Variants in PAGE2B observed in about 807,000 individuals in gnomAD.
PAGE2B encodes putative G antigen family E member 3.
In PAGE2B, 5 loss-of-function variants were observed where a neutral mutation model predicts 7.6. The ratio of observed to expected loss-of-function variants is 0.66; its 90% CI spans 0.34 to 1.38. The LOEUF is 1.38. PAGE2B is among the 40% of genes most tolerant of loss of function. The pLI is 0.04. For missense variants in PAGE2B, 70 were observed against 78.4 expected, an observed-to-expected ratio of 0.89 and a Z score of 0.41; for synonymous variants, 29 against 26.7, an observed-to-expected ratio of 1.09 and a Z score of -0.27.
At chrX:55,064,871 G>A in the PAGE2B span, among the ~76,000 whole-genome samples, 1 of 111,596 alleles carries the variant, frequency 9.0e-6, no homozygotes, top group East Asian at 2.8e-4. Flanking sequence ...AGTTCCTGTT[G>A]CTATTGATTT....
chrX:55,053,343 G>A, the PAGE2B span, among the ~76,000 whole-genome samples: 4 of 111,445 alleles, frequency 3.6e-5, no homozygotes, highest in South Asian at 3.8e-4. Context: ...ACACAGGGAG[G>A]GGAACAACAC....
intron 4 of PAGE2B, 55 bp downstream of exon 4, chrX:55,077,579 G>T: frequency 8.3e-7 from 1 of 1,205,683 alleles, no homozygotes; most frequent in Non-Finnish European, 1.1e-6. Flanking sequence ...ACAGTATTTT[G>T]TGTGACACAG....
chrX:55,069,704 C>T, the PAGE2B span, among the ~76,000 whole-genome samples: 6 of 111,567 alleles, frequency 5.4e-5, no homozygotes, highest in East Asian at 1.1e-3. Context: ...CTATTAATTG[C>T]TGCCTCAATT....
At chrX:55,067,038 CT>C in the PAGE2B span, among the ~76,000 whole-genome samples, 1 of 109,250 alleles carries the variant, frequency 9.2e-6, no homozygotes, top group Non-Finnish European at 1.9e-5. Flanking sequence ...TTCTTTCTTT[CT>C]TTTTTTTAGG....
upstream of PAGE2B, among the ~76,000 whole-genome samples, chrX:55,070,627 G>C (rs1370838393): frequency 9.0e-6 from 1 of 111,521 alleles, no homozygotes; most frequent in Non-Finnish European, 1.9e-5. Flanking sequence ...AATATTGACA[G>C]TGGGGTGTTA....
the PAGE2B span, among the ~76,000 whole-genome samples, chrX:55,052,488 C>T: frequency 8.9e-6 from 1 of 112,245 alleles, no homozygotes; most frequent in East Asian, 2.8e-4. Context: ...TTTTGTTTAC[C>T]TACTGAAGCC....
At chrX:55,040,628 A>G in the PAGE2B span, among the ~76,000 whole-genome samples, 1 of 111,174 alleles carries the variant, frequency 9.0e-6, no homozygotes, top group Admixed American at 9.7e-5. Flanking sequence ...AGAGATAGAA[A>G]GAATGGTGGT....
the PAGE2B span, among the ~76,000 whole-genome samples, chrX:55,044,457 G>A: frequency 9.0e-6 from 1 of 111,430 alleles, no homozygotes. Context: ...GACTTGGGGG[G>A]AAGGGTGGAT....
chrX:55,076,467 T>C lies in PAGE2B; in HGVS notation c.85-102T>C, dbSNP rs1474232018. On this transcript the variant is annotated intron_variant, in intron 2 of 4. Coordinates refer to ENST00000374971, the MANE Select transcript of PAGE2B (RefSeq NM_001015038.3). ...ATGTATATACATATATATGTGTTTATATATGTTGGAAAAATGTCTTTAGAT... is the reference window on the plus strand; with the variant it reads ...ATGTATATACATATATATGTGTTTACATATGTTGGAAAAATGTCTTTAGAT... The C allele has an allele frequency of 1.0e-5, 8 of 765,309 alleles. 1 individual carries two copies. The highest frequency in any genetic ancestry group is 6.0e-5 in the Admixed American group (2 of 33,061). The allele number at this position is 765,309 out of a possible 1,213,427, so 63.1% of individuals were successfully genotyped here. A position where few individuals can be genotyped will look rare whatever the true frequency, so the allele number is the denominator to read the frequency against.
chrX:55,058,245 G>T, the PAGE2B span, among the ~76,000 whole-genome samples: 1 of 110,125 alleles, frequency 9.1e-6, no homozygotes, highest in African/African-American at 3.3e-5. Flanking sequence ...AAGTGTCGGG[G>T]GGTGTTCATA....
chrX:55,066,238 G>A, the PAGE2B span, among the ~76,000 whole-genome samples: 1 of 111,592 alleles, frequency 9.0e-6, no homozygotes, highest in African/African-American at 3.3e-5. Flanking sequence ...TTACAGGCGT[G>A]TGCCATCACG....
chrX:55,064,650 C>T, the PAGE2B span, among the ~76,000 whole-genome samples: 3 of 106,836 alleles, frequency 2.8e-5, no homozygotes, highest in Admixed American at 1.0e-4. Flanking sequence ...TTTTTTTATT[C>T]GATGTATTTG....
the PAGE2B span, among the ~76,000 whole-genome samples, chrX:55,033,263 C>T: frequency 1.5e-3 from 162 of 111,603 alleles, 2 homozygotes; most frequent in Non-Finnish European, 2.7e-3. Flanking sequence ...TCTGAGGTGA[C>T]GTAGAGAAAA....
At chrX:55,062,489 T>A in the PAGE2B span, among the ~76,000 whole-genome samples, 2 of 112,162 alleles carry the variant, frequency 1.8e-5, no homozygotes, top group Non-Finnish European at 3.8e-5. Flanking sequence ...CCTTATGTAT[T>A]CTGATTATTA....
At chrX:55,051,502 T>C in the PAGE2B span, among the ~76,000 whole-genome samples, 2 of 111,925 alleles carry the variant, frequency 1.8e-5, no homozygotes, top group African/African-American at 6.5e-5. Context: ...GAGGCTTTGT[T>C]CATTTCTTTT....
chrX:55,073,842 G>A (rs1936474532), upstream of PAGE2B, among the ~76,000 whole-genome samples: 1 of 111,407 alleles, frequency 9.0e-6, no homozygotes, highest in Admixed American at 9.5e-5. Context: ...GAAGGTAGTT[G>A]GTGTACAGAA....
the PAGE2B span, among the ~76,000 whole-genome samples, chrX:55,045,979 G>C: frequency 9.0e-6 from 1 of 111,731 alleles, no homozygotes; most frequent in Non-Finnish European, 1.9e-5. Flanking sequence ...TCTTGTAGGA[G>C]AAACAGGCAC....
the PAGE2B span, among the ~76,000 whole-genome samples, chrX:55,061,945 G>C: frequency 1.8e-5 from 2 of 111,767 alleles, no homozygotes; most frequent in African/African-American, 6.5e-5. Flanking sequence ...TTTTATGGCT[G>C]AATAGTACTC....
At chrX:55,064,188 G>C in the PAGE2B span, among the ~76,000 whole-genome samples, 2,287 of 111,172 alleles carry the variant, frequency 0.021, 44 homozygotes, top group African/African-American at 0.061. Flanking sequence ...ATTGGATCCT[G>C]AGTTTCCTTT....
Sources: allele counts gnomAD v4.1 joint callset (sites outside exome capture counted in the v4.1 genomes callset), GRCh38; gene constraint gnomAD v4.1.1; transcripts MANE v1.5; gene names NCBI Gene and HGNC (gene_info 2026-07-23, HGNC 2026-07-21).